OSBPL8: variants seen among roughly 807,000 people sequenced by gnomAD.
OSBPL8 encodes the protein oxysterol binding protein like 8.
Under a neutral mutation model 125.5 loss-of-function variants are expected in OSBPL8, and 59 were observed. The ratio of observed to expected loss-of-function variants is 0.47; its 90% CI spans 0.38 to 0.58. The LOEUF is 0.58. Among genes scored for constraint, OSBPL8 ranks in the 20% least tolerant of loss-of-function variants. OSBPL8 has a pLI of 0.00. For missense variants in OSBPL8, 758 were observed against 1,047.8 expected (o/e 0.72, Z 3.82); for synonymous variants, 330 against 338.9 (o/e 0.97, Z 0.29).
chr12:76,531,395 C>A (rs1275703029), intron 1 of OSBPL8, among the ~76,000 whole-genome samples: 1 of 152,192 alleles, frequency 6.6e-6, no homozygotes, highest in Non-Finnish European at 1.5e-5. Context: ...GTATTCCCTC[C>A]ATCATTCAAG....
intron 1 of OSBPL8, among the ~76,000 whole-genome samples, chr12:76,505,942 G>A (rs142740849): frequency 1.7e-4 from 26 of 152,312 alleles, no homozygotes; most frequent in African/African-American, 6.3e-4. Context: ...ACTTAAGTAG[G>A]ATCATTTGGG....
At position 76,378,499 on chromosome 12, in the gene OSBPL8, T is replaced by C. The variant is rs986690705; in HGVS notation, c.1682A>G (p.Asn561Ser). 1.2e-6 allele frequency: 2 copies of C among 1,605,454 alleles called. No homozygotes were observed. The highest frequency in any genetic ancestry group is 1.7e-6 in the Non-Finnish European group (2 of 1,173,146). Reference protein sequence around the residue: ...LEGEARLTFLNRGEDYVMTMP... With the variant: ...LEGEARLTFLSRGEDYVMTMP... ...TGTCATTACATAATCTTCACCTCTATTCAAGAAAGTTAACCGTGCTTCTCC... is the reference window on the plus strand; with the variant it reads ...TGTCATTACATAATCTTCACCTCTACTCAAGAAAGTTAACCGTGCTTCTCC... The change falls in exon 16 of 24, where the codon AAT (asparagine) becomes AGT (serine). Residue 561 changes from asparagine (N) to serine (S), a missense_variant. Physicochemically the swap from Asn to Ser is conservative, Grantham distance 46 (BLOSUM62 1). Transcript: ENST00000261183.
At position 76,354,536 on chromosome 12, in the gene OSBPL8, T is replaced by C. The variant is rs1951919181; in HGVS notation, c.*1353A>G. 1 of 151,948 alleles carries C rather than the reference T, an allele frequency of 6.6e-6. No homozygotes were observed. Among genetic ancestry groups the C allele is most frequent in the Admixed American group, 6.6e-5 (1 of 15,254 alleles). The allele number at this position is 151,948 out of a possible 1,614,324, so 9.4% of individuals were successfully genotyped here. On this transcript the variant is annotated 3_prime_UTR_variant, in exon 24 of 24. Transcript: ENST00000261183. ...TTATTCTCTCTGACCTTCATTTTCA[T>C]TAAAAAAACATTTCAAAATCTATGC...
chr12:76,448,723 ATAAAG>A (rs774139410), intron 4 of OSBPL8, among the ~76,000 whole-genome samples: 2 of 152,256 alleles, frequency 1.3e-5, no homozygotes, highest in Non-Finnish European at 2.9e-5. Context: ...TTCTATTGAA[ATAAAG>A]TAGAGGATGG....
At chr12:76,449,054 T>G (rs995123555) in intron 4 of OSBPL8, among the ~76,000 whole-genome samples, 5 of 152,116 alleles carry the variant, frequency 3.3e-5, no homozygotes, top group Non-Finnish European at 5.9e-5. Flanking sequence ...TGTAACTTAC[T>G]ATTTACAAGG....
At chr12:76,366,951 T>C (rs2136175756) in intron 21 of OSBPL8, among the ~76,000 whole-genome samples, 1 of 152,222 alleles carries the variant, frequency 6.6e-6, no homozygotes, top group East Asian at 1.9e-4. Context: ...AGACACGTCA[T>C]ATGGCATAAC....
chr12:76,400,691 A>AT (rs1367254386), intron 6 of OSBPL8, among the ~76,000 whole-genome samples: 2,489 of 142,572 alleles, frequency 0.017, 63 homozygotes, highest in African/African-American at 0.059. Flanking sequence ...AAAATACTGT[A>AT]TTTTTTTTTT....
intron 15 of OSBPL8, among the ~76,000 whole-genome samples, chr12:76,383,391 T>C (rs1953145227): frequency 5.6e-5 from 3 of 53,216 alleles, no homozygotes; most frequent in Non-Finnish European, 9.8e-5. Flanking sequence ...CAAAACAAGG[T>C]TAAAAAAAAA....
rs146294600 is a variant in OSBPL8, at chr12:76,420,312, T to C, written c.218-9678A>G. ...AAAATGTACAATCTATAGATGTCTATAGATGCTTTCTTTGTTCAAAGTTTA... is the reference window on the plus strand; with the variant it reads ...AAAATGTACAATCTATAGATGTCTACAGATGCTTTCTTTGTTCAAAGTTTA... On this transcript the variant is annotated intron_variant, in intron 4 of 23. Coordinates refer to ENST00000261183, the MANE Select transcript of OSBPL8 (RefSeq NM_020841.5). Among the ~76,000 whole-genome samples the C allele has an allele frequency of 2.6e-3, 398 of 152,284 alleles. 2 individuals are homozygous for C. The highest frequency in any genetic ancestry group is 4.1e-3 in the Non-Finnish European group (281 of 67,976).
chr12:76,385,558 A>G (rs1471528289), intron 14 of OSBPL8, among the ~76,000 whole-genome samples: 1 of 152,158 alleles, frequency 6.6e-6, no homozygotes, highest in Non-Finnish European at 1.5e-5. Context: ...GGATAATCAC[A>G]AAAAACAATA....
Position 76,356,026 on chromosome 12 carries a change from A to G in OSBPL8, c.2538-5T>C, listed in dbSNP as rs370921314. The G allele has an allele frequency of 2.4e-5, 39 of 1,601,638 alleles. No homozygotes were observed. The African/African-American group carries it at 5.0e-4, about 21-fold the overall frequency. The stretch of plus-strand genomic sequence containing the variant: ...TTTCGAAGAGCCATAATATTTCTAT[A>G]AAAATAAGCAACAACAAATTTTGTA... On this transcript the variant is annotated splice_polypyrimidine_tract_variant and splice_region_variant and intron_variant, in intron 23 of 23. Coordinates refer to ENST00000261183, the MANE Select transcript of OSBPL8 (RefSeq NM_020841.5).
At chr12:76,524,138 T>C (rs1001361897) in intron 1 of OSBPL8, among the ~76,000 whole-genome samples, 1 of 152,202 alleles carries the variant, frequency 6.6e-6, no homozygotes, top group Non-Finnish European at 1.5e-5. Context: ...CCTTTAATGT[T>C]GTTAACAGAC....
Position 76,369,237 on chromosome 12 carries a change from T to C in OSBPL8, c.2305A>G (p.Lys769Glu). The C allele has an allele frequency of 6.2e-7, 1 of 1,612,664 alleles. No individual in the cohort carries two copies. Among genetic ancestry groups the C allele is most frequent in the Non-Finnish European group, 8.5e-7 (1 of 1,179,402 alleles). Reference sequence around the variant, plus strand: ...ACCATTGGAGTACGATGTTTCACTTTGGTCTGAATAACACCATCTTTTTCA... The same window carrying C: ...ACCATTGGAGTACGATGTTTCACTTCGGTCTGAATAACACCATCTTTTTCA... ...QFEKDGVIQT[K>E]VKHRTPMVSV... Residue 769 changes from lysine to glutamate, a missense_variant, in exon 21 of 24, where the codon AAA becomes GAA. Lys to Glu is a moderately conservative substitution (Grantham distance 56). This residue lies in a region of OSBPL8 where 572 missense variants were observed against 762.0 expected (regional missense o/e 0.75). Coordinates refer to ENST00000261183, the MANE Select transcript of OSBPL8 (RefSeq NM_020841.5).
At chr12:76,394,766 T>C in intron 8 of OSBPL8, 37 bp from the exon 9 acceptor site, 1 of 1,427,790 alleles carries the variant, frequency 7.0e-7, no homozygotes, top group Non-Finnish European at 9.7e-7. Flanking sequence ...TGGTATAGAG[T>C]AATTATTATG....
chr12:76,534,527 T>G (rs980860625), intron 1 of OSBPL8, among the ~76,000 whole-genome samples: 4 of 152,190 alleles, frequency 2.6e-5, no homozygotes, highest in African/African-American at 9.7e-5. Flanking sequence ...TCCGACTAGC[T>G]GAAAGTACTT....
intron 2 of OSBPL8, among the ~76,000 whole-genome samples, chr12:76,469,941 C>T (rs1268009671): frequency 6.6e-6 from 1 of 152,064 alleles, no homozygotes; most frequent in Non-Finnish European, 1.5e-5. Flanking sequence ...AACCCTAATA[C>T]CTAGCAAAGT....
intron 1 of OSBPL8, among the ~76,000 whole-genome samples, chr12:76,516,372 C>A (rs1022158897): frequency 6.6e-6 from 1 of 152,192 alleles, no homozygotes; most frequent in Non-Finnish European, 1.5e-5. Flanking sequence ...ATTAACTGTT[C>A]TAGTCAAAAC....
At chr12:76,510,881 CAAAA>C (rs71445235) in intron 1 of OSBPL8, among the ~76,000 whole-genome samples, 1 of 106,390 alleles carries the variant, frequency 9.4e-6, no homozygotes. Flanking sequence ...AACCCCATCT[CAAAA>C]AAAAAAAAAA....
At chr12:76,532,716 C>CAA (rs199884924) in intron 1 of OSBPL8, among the ~76,000 whole-genome samples, 7 of 134,168 alleles carry the variant, frequency 5.2e-5, no homozygotes, top group Non-Finnish European at 8.0e-5. Context: ...AAGGAGTGGA[C>CAA]AAAAAAAAAA....
Sources: allele counts gnomAD v4.1 joint callset (sites outside exome capture counted in the v4.1 genomes callset), GRCh38; gene constraint gnomAD v4.1.1; regional missense constraint gnomAD v4.1.1; transcripts MANE v1.5; gene names NCBI Gene and HGNC (gene_info 2026-07-23, HGNC 2026-07-21).